Variants in COA1 observed in about 807,000 individuals in gnomAD.
COA1 encodes the protein cytochrome c oxidase assembly factor 1 homolog.
COA1 carries 13 observed loss-of-function variants against 16.0 expected under a neutral mutation model. The ratio of observed to expected loss-of-function variants is 0.81; its 90% CI spans 0.53 to 1.29. The LOEUF (loss-of-function observed/expected upper bound fraction) is 1.29. Among genes scored for constraint, COA1 ranks in the 50% most tolerant of loss-of-function variants. The pLI is 0.00. For missense variants in COA1, 179 were observed against 177.0 expected (o/e 1.01, Z -0.06); for synonymous variants, 65 against 65.7 (o/e 0.99, Z 0.05).
At chr7:43,614,559 T>C (rs1368403745) in intron 6 of COA1, among the ~76,000 whole-genome samples, 1 of 152,206 alleles carries the variant, frequency 6.6e-6, no homozygotes, top group East Asian at 1.9e-4. Context: ...GTATATATAT[T>C]TTATTTAGAG....
chr7:43,644,798 A>G lies in COA1; in HGVS notation c.264+453T>C, dbSNP rs536804848. On this transcript the variant is annotated intron_variant, in intron 4 of 5. Transcript: ENST00000223336. ...GGCAGGCAGGCAGGCAGGCAGAGAGACAGAGAGAGAGAGAGAGAGAGAGAG... is the reference window on the plus strand; with the variant it reads ...GGCAGGCAGGCAGGCAGGCAGAGAGGCAGAGAGAGAGAGAGAGAGAGAGAG... 1.9e-4 allele frequency among the ~76,000 whole-genome samples: 12 copies of G among 62,372 alleles called. No homozygotes were observed. The East Asian group carries it at 3.3e-3, about 17-fold the overall frequency. 40.9% of individuals were successfully genotyped at this position (62,372 alleles called of 152,430 possible).
At chr7:43,631,876 G>A (rs2085206548) in intron 6 of COA1, 2 of 152,086 alleles carry the variant, frequency 1.3e-5, no homozygotes, top group Non-Finnish European at 2.9e-5. Context: ...TTTTAAATGA[G>A]CAGCAGTGTT....
rs2089725221 is a variant in COA1, at chr7:43,647,539, A to G, written c.111T>C (p.Ile37=). 6.2e-7 allele frequency: 1 copy of G among 1,611,098 alleles called. No homozygotes were observed. The highest frequency in any genetic ancestry group is 1.1e-5 in the South Asian group (1 of 91,040). Residue 37 remains isoleucine (I), a synonymous_variant, in exon 3 of 6, where the codon ATT becomes ATC. Coordinates refer to ENST00000223336, the MANE Select transcript of COA1 (RefSeq NM_018224.4). ...GGCGGCTAGCAGGATACTTACTTTG[A>G]ATGAGGTAATACACAATGGCAAAGC... The part of the protein sequence containing the change: ...AGGFAIVYYL[I]QKFHSRALYY...
downstream of COA1, chr7:43,638,857 A>G (rs918260292): frequency 2.6e-5 from 4 of 152,266 alleles, no homozygotes; most frequent in African/African-American, 9.7e-5. Context: ...GATTACAGGC[A>G]TGGGCCACCA....
intron 1 of COA1, among the ~76,000 whole-genome samples, chr7:43,674,895 T>C (rs1260440636): frequency 6.6e-6 from 1 of 152,210 alleles, no homozygotes; most frequent in Non-Finnish European, 1.5e-5. Flanking sequence ...GCTGGTAAAG[T>C]TGATAGACGT....
At chr7:43,639,722 G>C (rs1166926880) in intron 5 of COA1, 41 bp from the exon 6 acceptor site, 1 of 1,513,512 alleles carries the variant, frequency 6.6e-7, no homozygotes, top group Non-Finnish European at 9.2e-7. Context: ...ATCTATGAAG[G>C]CTGAGGCAAC....
chr7:43,681,839 G>A (rs1200871393), intron 1 of COA1, among the ~76,000 whole-genome samples: 4 of 152,092 alleles, frequency 2.6e-5, no homozygotes, highest in African/African-American at 7.2e-5. Flanking sequence ...GAAAATAAAT[G>A]ATAACCTGAA....
intron 1 of COA1, among the ~76,000 whole-genome samples, chr7:43,672,773 C>CAA (rs34219718): frequency 5.4e-4 from 54 of 100,790 alleles, no homozygotes; most frequent in South Asian, 5.3e-3. Flanking sequence ...CATCTCAAAC[C>CAA]AAAAAAAAAA....
At chr7:43,638,038 AT>A (rs2153056016), downstream of COA1, among the ~76,000 whole-genome samples, 1 of 152,254 alleles carries the variant, frequency 6.6e-6, no homozygotes, top group South Asian at 2.1e-4. Flanking sequence ...TCTGCCATTT[AT>A]TTTAAAAGAC....
chr7:43,670,967 A>G (rs1232605107), intron 1 of COA1, among the ~76,000 whole-genome samples: 1 of 152,190 alleles, frequency 6.6e-6, no homozygotes, highest in Non-Finnish European at 1.5e-5. Context: ...TCAGAAGTAA[A>G]CCCTTTTATC....
chr7:43,612,975 G>T (rs2083013763), intron 6 of COA1, among the ~76,000 whole-genome samples: 1 of 152,162 alleles, frequency 6.6e-6, no homozygotes, highest in South Asian at 2.1e-4. Flanking sequence ...CCCTGGCAAA[G>T]TCAGAACAAA....
intron 6 of COA1, among the ~76,000 whole-genome samples, chr7:43,627,736 G>A (rs2084719569): frequency 6.6e-6 from 1 of 152,178 alleles, no homozygotes; most frequent in Non-Finnish European, 1.5e-5. Context: ...TTGTTTTGGA[G>A]AGAAGGGGAT....
chr7:43,691,473 G>T (rs185933821), intron 1 of COA1, among the ~76,000 whole-genome samples: 35 of 131,594 alleles, frequency 2.7e-4, no homozygotes, highest in Admixed American at 5.2e-4. Flanking sequence ...AAGAAAGAAA[G>T]AAAGAAATTA....
At chr7:43,619,769 T>C in intron 6 of COA1, 1 of 1,599,204 alleles carries the variant, frequency 6.3e-7, no homozygotes, top group Non-Finnish European at 8.5e-7. Flanking sequence ...AGGCATCACC[T>C]TCATTAGGGG....
chr7:43,630,550 G>A (rs1262205337), intron 6 of COA1, among the ~76,000 whole-genome samples: 1 of 152,094 alleles, frequency 6.6e-6, no homozygotes, highest in Admixed American at 6.6e-5. Context: ...CAGGTGAGGA[G>A]GACTGTCACC....
intron 1 of COA1, among the ~76,000 whole-genome samples, chr7:43,652,777 T>C (rs2091046210): frequency 6.6e-6 from 1 of 152,042 alleles, no homozygotes; most frequent in African/African-American, 2.4e-5. Flanking sequence ...GAGATGGTTC[T>C]TCCCTATTGT....
intron 1 of COA1, among the ~76,000 whole-genome samples, chr7:43,706,808 T>C (rs936431928): frequency 1.3e-5 from 2 of 151,794 alleles, no homozygotes; most frequent in Non-Finnish European, 2.9e-5. Flanking sequence ...AGGCTGAGGC[T>C]GCAGTGAGCT....
At chr7:43,726,198 T>C (rs1436670104) in intron 1 of COA1, among the ~76,000 whole-genome samples, 1 of 152,096 alleles carries the variant, frequency 6.6e-6, no homozygotes, top group African/African-American at 2.4e-5. Context: ...ATGAACAAAG[T>C]TGAAGCAGAT....
In COA1 at chr7:43,657,616, T is replaced by C. The variant is rs1169245759; in HGVS notation, c.-38-8964A>G. 2.0e-5 allele frequency among the ~76,000 whole-genome samples: 3 copies of C among 152,262 alleles called. No homozygotes were observed. The East Asian group carries it at 5.8e-4, about 29-fold the overall frequency. On this transcript the variant is annotated intron_variant, in intron 1 of 5. Coordinates refer to ENST00000223336, the MANE Select transcript of COA1 (RefSeq NM_018224.4). ...AAACAGACAGGTCATTTATGGACCT[T>C]ACCCTGTGCTGTAGTGTGAGGAGAC...
Sources: gnomAD v4.1 joint callset for allele counts (sites outside exome capture counted in the v4.1 genomes callset) on GRCh38, gnomAD v4.1.1 for gene constraint, MANE v1.5 for transcripts, NCBI Gene and HGNC (gene_info 2026-07-23, HGNC 2026-07-21) for gene names.